The following GRIK1 variants were observed in gnomAD, a reference collection of about 807,000 sequenced individuals.
GRIK1 encodes glutamate ionotropic receptor kainate type subunit 1, also known as glutamate receptor ionotropic, kainate 1.
In GRIK1, 69 loss-of-function variants were observed where a neutral mutation model predicts 105.7. The ratio of observed to expected loss-of-function variants is 0.65; its 90% CI spans 0.54 to 0.80. GRIK1 has a LOEUF of 0.80. Among genes scored for constraint, GRIK1 ranks in the 30% least tolerant of loss-of-function variants. The pLI is 0.00. For synonymous variants in GRIK1, 438 were observed against 431.3 expected (o/e 1.02, Z -0.19); for missense variants, 1,109 against 1,167.3 (o/e 0.95, Z 0.73).
intron 1 of GRIK1, among the ~76,000 whole-genome samples, chr21:29,852,846 T>G (rs1189117275): frequency 6.6e-6 from 1 of 152,222 alleles, no homozygotes; most frequent in Non-Finnish European, 1.5e-5. Flanking sequence ...GGGATATATT[T>G]TTATTTTAGT....
intron 1 of GRIK1, among the ~76,000 whole-genome samples, chr21:29,859,402 C>CA (rs34152198): frequency 0.3 from 44,838 of 149,582 alleles, 7,035 homozygotes; most frequent in East Asian, 0.46. Context: ...AATAAAAAAA[C>CA]AAAAAAAAAT....
intron 1 of GRIK1, among the ~76,000 whole-genome samples, chr21:29,829,887 A>G (rs1194831405): frequency 1.3e-5 from 2 of 152,178 alleles, no homozygotes; most frequent in African/African-American, 4.8e-5. Context: ...GAATACACTT[A>G]GGATAATCAC....
chr21:29,580,083 GTGTGTGTATATATA>G (rs915409926), intron 13 of GRIK1, among the ~76,000 whole-genome samples: 3 of 143,440 alleles, frequency 2.1e-5, no homozygotes, highest in African/African-American at 7.9e-5. Flanking sequence ...ATATGTATAT[GTGTGTGTATATATA>G]TGTGTGTATA....
At chr21:29,552,193 G>T (rs2090146298) in intron 16 of GRIK1, among the ~76,000 whole-genome samples, 1 of 151,992 alleles carries the variant, frequency 6.6e-6, no homozygotes, top group Non-Finnish European at 1.5e-5. Context: ...TGCACAGATG[G>T]CATATCTCTA....
Position 29,931,965 on chromosome 21 carries a change from T to G in GRIK1, c.118+7418A>C, listed in dbSNP as rs143243028. 3.3e-3 allele frequency among the ~76,000 whole-genome samples: 498 copies of G among 152,292 alleles called. 3 individuals carry two copies. The highest frequency in any genetic ancestry group is 0.011 in the African/African-American group (475 of 41,566). On this transcript the variant is annotated intron_variant, in intron 1 of 17. Coordinates refer to ENST00000327783, the MANE Select transcript of GRIK1 (RefSeq NM_001330994.2). ...TCTTAGTCTCCAAATTGATGATAACTGATGGTAATAATAACAATTAACCAT... is the reference window on the plus strand; with the variant it reads ...TCTTAGTCTCCAAATTGATGATAACGGATGGTAATAATAACAATTAACCAT...
At chr21:29,769,621 G>A (rs1195529988) in intron 1 of GRIK1, among the ~76,000 whole-genome samples, 3 of 152,120 alleles carry the variant, frequency 2.0e-5, no homozygotes, top group Non-Finnish European at 2.9e-5. Flanking sequence ...AGGTGGTAAT[G>A]CTCACTTACC....
rs562793123 is a variant in GRIK1, at chr21:29,736,006, G to T, written c.119-41943C>A. 4.7e-4 allele frequency among the ~76,000 whole-genome samples: 71 copies of T among 152,112 alleles called. No homozygotes were observed. The East Asian group carries it at 0.011, about 23-fold the overall frequency. On this transcript the variant is annotated intron_variant, in intron 1 of 17. Transcript: ENST00000327783. Reference sequence around the variant, plus strand: ...AAATCAAGTCAAATGTTTTTCCCTAGCACGACCCCAAGACAAAATTAGGTC... The same window carrying T: ...AAATCAAGTCAAATGTTTTTCCCTATCACGACCCCAAGACAAAATTAGGTC...
intron 1 of GRIK1, among the ~76,000 whole-genome samples, chr21:29,909,062 C>A (rs1461614643): frequency 6.6e-6 from 1 of 152,060 alleles, no homozygotes; most frequent in African/African-American, 2.4e-5. Flanking sequence ...TTTTTAAAAT[C>A]TTCCCGTGTT....
intron 1 of GRIK1, chr21:29,760,171 G>T (rs562011868): frequency 6.6e-6 from 1 of 152,280 alleles, no homozygotes; most frequent in South Asian, 2.1e-4. Flanking sequence ...CATGTTGACT[G>T]CCTATTCTAA....
rs1568987785 is a variant in GRIK1 at position 29,697,899 on chromosome 21, CTCTTTTCTTTCTTT to C, written c.119-3850_119-3837del. On this transcript the variant is annotated intron_variant, in intron 1 of 17. Transcript: ENST00000327783. ...TTTTTCCTTTCTTTTCCTTTCCTTT[CTCTTTTCTTTCTTT>C]CTTTCTCTCTCTCTCTCTTTCTTTC... Among the ~76,000 whole-genome samples, 326 of 149,984 alleles carry C rather than the reference CTCTTTTCTTTCTTT, an allele frequency of 2.2e-3. 1 individual carries two copies. The highest frequency in any genetic ancestry group is 7.7e-3 in the African/African-American group (313 of 40,706).
intron 1 of GRIK1, among the ~76,000 whole-genome samples, chr21:29,757,486 A>G (rs893627994): frequency 1.3e-5 from 2 of 152,246 alleles, no homozygotes; most frequent in Non-Finnish European, 2.9e-5. Context: ...TGCCAATTTA[A>G]TTAACTAGCA....
chr21:29,838,251 A>G (rs2067865576), intron 1 of GRIK1, among the ~76,000 whole-genome samples: 1 of 152,158 alleles, frequency 6.6e-6, no homozygotes, highest in Non-Finnish European at 1.5e-5. Context: ...CAAAGTTCTA[A>G]CCAACTGGGG....
intron 14 of GRIK1, among the ~76,000 whole-genome samples, chr21:29,564,212 A>G (rs1182346981): frequency 2.0e-5 from 3 of 152,012 alleles, no homozygotes; most frequent in South Asian, 2.1e-4. Flanking sequence ...CAGTGGCGCA[A>G]TCTCGGCTCA....
chr21:29,789,306 C>T (rs1205295170), intron 1 of GRIK1, among the ~76,000 whole-genome samples: 1 of 152,188 alleles, frequency 6.6e-6, no homozygotes, highest in Admixed American at 6.5e-5. Context: ...TTGGTCCCCA[C>T]TGACCAATCA....
chr21:29,777,323 G>T (rs2065972515), intron 1 of GRIK1, among the ~76,000 whole-genome samples: 1 of 152,086 alleles, frequency 6.6e-6, no homozygotes, highest in Non-Finnish European at 1.5e-5. Flanking sequence ...TTAGGGATAG[G>T]GCTCTAGAAT....
chr21:29,720,229 T>C (rs1187046438), intron 1 of GRIK1, among the ~76,000 whole-genome samples: 3 of 152,234 alleles, frequency 2.0e-5, no homozygotes, highest in African/African-American at 4.8e-5. Context: ...TCTCAGATTA[T>C]TATTTTATTT....
chr21:29,816,888 A>G (rs1012660599), intron 1 of GRIK1, among the ~76,000 whole-genome samples: 2 of 152,158 alleles, frequency 1.3e-5, no homozygotes, highest in South Asian at 2.1e-4. Context: ...TAGGGTGACT[A>G]TAGTTAACAA....
intron 7 of GRIK1, among the ~76,000 whole-genome samples, chr21:29,635,834 G>A (rs2146501298): frequency 6.6e-6 from 1 of 152,310 alleles, no homozygotes; most frequent in East Asian, 1.9e-4. Flanking sequence ...TGTACTGCTG[G>A]ATGTCAAGAG....
intron 1 of GRIK1, among the ~76,000 whole-genome samples, chr21:29,735,113 A>G (rs190709159): frequency 1.3e-5 from 2 of 152,250 alleles, no homozygotes; most frequent in Non-Finnish European, 2.9e-5. Context: ...TTAATTTTCC[A>G]TCTCCCCAAC....
Sources: gnomAD v4.1 joint callset for allele counts (sites outside exome capture counted in the v4.1 genomes callset) on GRCh38, gnomAD v4.1.1 for gene constraint, MANE v1.5 for transcripts, NCBI Gene and HGNC (gene_info 2026-07-23, HGNC 2026-07-21) for gene names.